Variants in RAB11FIP3 observed in about 807,000 individuals in gnomAD.
RAB11FIP3 encodes the protein RAB11 family interacting protein 3.
In RAB11FIP3, 17 loss-of-function variants were observed where a neutral mutation model predicts 77.8. The ratio of observed to expected loss-of-function variants is 0.22; its 90% CI spans 0.15 to 0.33. The LOEUF is 0.33. Among genes scored for constraint, RAB11FIP3 ranks in the 10% least tolerant of loss-of-function variants. The pLI is 1.00. For missense variants in RAB11FIP3, 1,005 were observed against 1,011.2 expected (o/e 0.99, Z 0.08); for synonymous variants, 437 against 448.2 (o/e 0.98, Z 0.31).
chr16:429,982 T>C (rs557209797), intron 1 of RAB11FIP3, among the ~76,000 whole-genome samples: 1 of 152,306 alleles, frequency 6.6e-6, no homozygotes, highest in South Asian at 2.1e-4. Flanking sequence ...ATGGTGTGTT[T>C]GGATCTAATT....
At chr16:443,458 T>G (rs2055258921) in intron 1 of RAB11FIP3, among the ~76,000 whole-genome samples, 1 of 152,254 alleles carries the variant, frequency 6.6e-6, no homozygotes, top group African/African-American at 2.4e-5. Flanking sequence ...TATAGGACAG[T>G]TAAACAAAAC....
At chr16:462,886 C>A (rs537931448) in intron 2 of RAB11FIP3, among the ~76,000 whole-genome samples, 2 of 151,852 alleles carry the variant, frequency 1.3e-5, no homozygotes, top group East Asian at 1.9e-4. Flanking sequence ...AATGTCTTCC[C>A]CAGCACAATG....
At chr16:494,192 T>G (rs1296390889) in intron 5 of RAB11FIP3, among the ~76,000 whole-genome samples, 1 of 150,070 alleles carries the variant, frequency 6.7e-6, no homozygotes, top group African/African-American at 2.5e-5. Context: ...CCTGGCCACC[T>G]GGAGGTGTAT....
chr16:492,631 G>T (rs549079604), intron 5 of RAB11FIP3, among the ~76,000 whole-genome samples: 1 of 151,322 alleles, frequency 6.6e-6, no homozygotes, highest in Non-Finnish European at 1.5e-5. Context: ...TCAAGGCCCG[G>T]CGACGATGGC....
At chr16:458,432 C>A (rs1433314642) in intron 1 of RAB11FIP3, among the ~76,000 whole-genome samples, 4 of 150,876 alleles carry the variant, frequency 2.7e-5, no homozygotes. Flanking sequence ...CCCACAGGGC[C>A]TGGGGGGCCT....
At chr16:444,631 T>C (rs974350951) in intron 1 of RAB11FIP3, among the ~76,000 whole-genome samples, 2 of 150,804 alleles carry the variant, frequency 1.3e-5, no homozygotes, top group Non-Finnish European at 3.0e-5. Context: ...GTGTTTTACT[T>C]GAGGTCAGGA....
At chr16:510,197 C>G (rs1210718998) in intron 8 of RAB11FIP3, among the ~76,000 whole-genome samples, 1 of 149,728 alleles carries the variant, frequency 6.7e-6, no homozygotes. Context: ...CCTCTGGGCT[C>G]TGAGCGCACG....
At chr16:428,600 G>C (rs1464439143) in intron 1 of RAB11FIP3, among the ~76,000 whole-genome samples, 1 of 152,060 alleles carries the variant, frequency 6.6e-6, no homozygotes, top group Admixed American at 6.6e-5. Context: ...CCACTTTACA[G>C]GTAAGAAACT....
chr16:519,613 C>G, intron 10 of RAB11FIP3, 141 bp from the exon 11 acceptor site: 2 of 1,131,356 alleles, frequency 1.8e-6, no homozygotes, highest in Non-Finnish European at 1.3e-6. Flanking sequence ...AGGCTCAGAC[C>G]CAGCCCTGTC....
chr16:490,868 C>G (rs2030114419), intron 5 of RAB11FIP3, among the ~76,000 whole-genome samples: 1 of 152,206 alleles, frequency 6.6e-6, no homozygotes, highest in South Asian at 2.1e-4. Context: ...CTGCTTTCTT[C>G]TGGGCACCCG....
rs367838130 is a variant in RAB11FIP3 at position 496,777 on chromosome 16, C to G, written c.1266-47C>G. ...GAGTTTCCTGCTTCCTCCTGCTCCT[C>G]TCTGTCTGTTCTAACAATTTTCCTG... On this transcript the variant is annotated intron_variant, in intron 5 of 13. Transcript: ENST00000262305. 9.1e-6 allele frequency: 14 copies of G among 1,537,038 alleles called. No homozygotes were observed. In the African/African-American group the frequency reaches 1.6e-4, roughly 18 times the overall value.
At chr16:456,404 C>T (rs2055503765) in intron 1 of RAB11FIP3, among the ~76,000 whole-genome samples, 1 of 149,230 alleles carries the variant, frequency 6.7e-6, no homozygotes, top group East Asian at 2.0e-4. Flanking sequence ...TGTGCCACTG[C>T]ACCCTAGCCT....
At chr16:441,950 T>C (rs995461020) in intron 1 of RAB11FIP3, among the ~76,000 whole-genome samples, 1 of 152,208 alleles carries the variant, frequency 6.6e-6, no homozygotes, top group African/African-American at 2.4e-5. Flanking sequence ...GCCATTCTCC[T>C]GCCTCAGCCT....
chr16:485,562 G>A (rs2056137592), intron 4 of RAB11FIP3, among the ~76,000 whole-genome samples: 1 of 152,084 alleles, frequency 6.6e-6, no homozygotes, highest in South Asian at 2.1e-4. Context: ...ACAGGCACCT[G>A]CCATGGCGCC....
chr16:434,614 A>G (rs1244116111), intron 1 of RAB11FIP3, among the ~76,000 whole-genome samples: 2 of 151,566 alleles, frequency 1.3e-5, no homozygotes, highest in African/African-American at 2.4e-5. Flanking sequence ...TTTTATAGAG[A>G]CAGGGTTTTG....
At chr16:435,435 C>T (rs1459250312) in intron 1 of RAB11FIP3, among the ~76,000 whole-genome samples, 1 of 152,120 alleles carries the variant, frequency 6.6e-6, no homozygotes, top group Non-Finnish European at 1.5e-5. Context: ...TTATGTAGCT[C>T]ATAAAAGTGG....
chr16:456,275 C>T (rs1278186982), intron 1 of RAB11FIP3, among the ~76,000 whole-genome samples: 3 of 151,722 alleles, frequency 2.0e-5, no homozygotes, highest in Non-Finnish European at 2.9e-5. Flanking sequence ...CATGGCAAAA[C>T]ATTGTCTCTA....
At position 472,309 on chromosome 16, in the gene RAB11FIP3, G is replaced by C. The variant is rs913598921; in HGVS notation, c.903+920G>C. 6.6e-6 allele frequency among the ~76,000 whole-genome samples: 1 copy of C among 152,210 alleles called. No individual in the cohort carries two copies. Among genetic ancestry groups the C allele is most frequent in the South Asian group, 2.1e-4 (1 of 4,834 alleles). On this transcript the variant is annotated intron_variant, in intron 3 of 13. Transcript: ENST00000262305. The surrounding 1 kb of genome is among the most constrained non-coding windows in gnomAD (Gnocchi z 4.1). ...TTCTGCCCACACAGACCCTGGGGGT[G>C]GTTCTGCCTTACGGCGGTGTCCCAG...
chr16:497,134 G>T, intron 6 of RAB11FIP3: 1 of 630,856 alleles, frequency 1.6e-6, no homozygotes, highest in Non-Finnish European at 2.4e-6. Context: ...GGAAGGGGCC[G>T]CCATCCCCAG....
Sources: allele counts gnomAD v4.1 joint callset (sites outside exome capture counted in the v4.1 genomes callset), GRCh38; gene constraint gnomAD v4.1.1; non-coding constraint Gnocchi (gnomAD v3.1); transcripts MANE v1.5; gene names NCBI Gene and HGNC (gene_info 2026-07-23, HGNC 2026-07-21).